Variants in SGCD observed in about 807,000 individuals in gnomAD.
SGCD encodes the protein delta-sarcoglycan.
SGCD carries 18 observed loss-of-function variants against 36.6 expected under a neutral mutation model. The ratio of observed to expected loss-of-function variants is 0.49; its 90% CI spans 0.34 to 0.73. SGCD has a LOEUF of 0.73. SGCD is among the 30% of genes least tolerant of loss of function. The pLI, the probability that SGCD is intolerant of heterozygous loss-of-function variation, is 0.01. For synonymous variants in SGCD, 133 were observed against 130.6 expected, an observed-to-expected ratio of 1.02 and a Z score of -0.12; for missense variants, 387 against 346.7, an observed-to-expected ratio of 1.12 and a Z score of -0.92.
intron 3 of SGCD, among the ~76,000 whole-genome samples, chr5:156,210,310 A>T (rs187403709): frequency 5.9e-5 from 9 of 152,310 alleles, no homozygotes; most frequent in Admixed American, 5.9e-4. Flanking sequence ...CTAGTGAAGG[A>T]CTTTTCTGGA....
rs150778095 is a variant in SGCD, at chr5:156,142,023, G to A, written c.-44+18004G>A. 6.8e-3 allele frequency among the ~76,000 whole-genome samples: 1,031 copies of A among 152,278 alleles called. 8 individuals are homozygous for A. The highest frequency in any genetic ancestry group is 0.051 in the Middle Eastern group (15 of 294). On this transcript the variant is annotated intron_variant, in intron 3 of 9. Transcript: ENST00000517913. ...ATTGTAATCCCCAGTGTTGGAGGTG[G>A]GGCCTGGTGGGAGATGATTGAATCA... is the stretch of plus-strand genomic sequence containing the variant.
intron 1 of SGCD, among the ~76,000 whole-genome samples, chr5:156,034,981 C>A (rs540905601): frequency 6.6e-6 from 1 of 152,142 alleles, no homozygotes; most frequent in East Asian, 1.9e-4. Flanking sequence ...CTTCTAATAT[C>A]ATACTTTTTG....
intron 1 of SGCD, among the ~76,000 whole-genome samples, chr5:156,017,323 GT>G (rs997899090): frequency 9.2e-5 from 14 of 151,690 alleles, no homozygotes; most frequent in Non-Finnish European, 1.3e-4. Flanking sequence ...CCATGCAAAA[GT>G]TTTTTTTATT....
intron 6 of SGCD, among the ~76,000 whole-genome samples, chr5:156,601,772 C>T (rs1179052099): frequency 6.6e-6 from 1 of 152,190 alleles, no homozygotes; most frequent in African/African-American, 2.4e-5. Flanking sequence ...CAAGCTCCAC[C>T]TCCCGGGTTC....
chr5:156,119,822 C>T (rs1761991167), intron 2 of SGCD, among the ~76,000 whole-genome samples: 1 of 152,112 alleles, frequency 6.6e-6, no homozygotes, highest in African/African-American at 2.4e-5. Flanking sequence ...TCATTTTTAA[C>T]ACAACCTAAC....
the SGCD span, among the ~76,000 whole-genome samples, chr5:155,865,181 T>G: frequency 6.6e-6 from 1 of 152,120 alleles, no homozygotes; most frequent in Non-Finnish European, 1.5e-5. Context: ...AATTGATGGA[T>G]TCATTTAAAA....
At chr5:155,988,256 G>A (rs77966082) in intron 1 of SGCD, among the ~76,000 whole-genome samples, 3,327 of 152,068 alleles carry the variant, frequency 0.022, 128 homozygotes, top group African/African-American at 0.074. Flanking sequence ...CATCACAAGC[G>A]CTTTTAAAGC....
At position 156,346,282 on chromosome 5, in the gene SGCD, A is replaced by T. The variant is rs528757111; in HGVS notation, c.192+1605A>T. 1.1e-4 allele frequency among the ~76,000 whole-genome samples: 16 copies of T among 152,110 alleles called. No individual in the cohort carries two copies. In the South Asian group the frequency reaches 1.7e-3, roughly 16 times the overall value. ...AAATAATTCAGTTCTTTCTAAAAAAATTTTTCTTTCTTTATATATGTATTT... is the reference window on the plus strand; with the variant it reads ...AAATAATTCAGTTCTTTCTAAAAAATTTTTTCTTTCTTTATATATGTATTT... On this transcript the variant is annotated intron_variant, in intron 3 of 8. Transcript: ENST00000337851.
chr5:155,864,433 G>A, the SGCD span, among the ~76,000 whole-genome samples: 2 of 152,072 alleles, frequency 1.3e-5, no homozygotes, highest in African/African-American at 4.8e-5. Context: ...GTGGAGGCGG[G>A]GAGGTTGTTT....
At chr5:156,352,229 T>C (rs1216679576) in intron 3 of SGCD, among the ~76,000 whole-genome samples, 1 of 152,146 alleles carries the variant, frequency 6.6e-6, no homozygotes, top group African/African-American at 2.4e-5. Flanking sequence ...GAGTCATCAG[T>C]GGATGGCATG....
chr5:156,274,599 T>C (rs62383778), intron 3 of SGCD, among the ~76,000 whole-genome samples: 8,790 of 152,250 alleles, frequency 0.058, 295 homozygotes, highest in Non-Finnish European at 0.075. Context: ...CAGAGTACTA[T>C]ATGATGTTAT....
intron 3 of SGCD, among the ~76,000 whole-genome samples, chr5:156,171,064 A>T (rs1419932555): frequency 6.6e-6 from 1 of 152,018 alleles, no homozygotes; most frequent in African/African-American, 2.4e-5. Context: ...TTTTTTTCTC[A>T]CATTAAAAGT....
the SGCD span, among the ~76,000 whole-genome samples, chr5:155,840,588 T>TTGTGTG: frequency 2.5e-4 from 37 of 147,068 alleles, no homozygotes; most frequent in South Asian, 4.4e-4. Flanking sequence ...TGCACCCGGC[T>TTGTGTG]TGTGTGTGTG....
At chr5:155,927,054 G>A (rs1400336053) in intron 1 of SGCD, among the ~76,000 whole-genome samples, 1 of 152,154 alleles carries the variant, frequency 6.6e-6, no homozygotes, top group East Asian at 1.9e-4. Flanking sequence ...GAGTTATCCA[G>A]TCCACAATGA....
At chr5:156,510,384 A>T (rs1330736729) in intron 4 of SGCD, among the ~76,000 whole-genome samples, 1 of 152,204 alleles carries the variant, frequency 6.6e-6, no homozygotes, top group Non-Finnish European at 1.5e-5. Flanking sequence ...AGCATTTAAA[A>T]AATATCTGTT....
At chr5:155,811,766 C>A in the SGCD span, among the ~76,000 whole-genome samples, 1 of 152,110 alleles carries the variant, frequency 6.6e-6, no homozygotes, top group Non-Finnish European at 1.5e-5. Context: ...GTCAATAATG[C>A]ACTGGATATA....
At chr5:156,327,649 T>C (rs1767871533) in intron 1 of SGCD, among the ~76,000 whole-genome samples, 1 of 150,290 alleles carries the variant, frequency 6.7e-6, no homozygotes, top group African/African-American at 2.4e-5. Flanking sequence ...GAGTTTTTTG[T>C]TGTTGTTGTT....
At chr5:155,866,918 A>G (rs1755535561), upstream of SGCD, among the ~76,000 whole-genome samples, 1 of 152,198 alleles carries the variant, frequency 6.6e-6, no homozygotes, top group Non-Finnish European at 1.5e-5. Flanking sequence ...TGATTATTCA[A>G]AAGGACATAA....
chr5:156,073,722 T>C (rs1339816433), intron 1 of SGCD, among the ~76,000 whole-genome samples: 2 of 152,218 alleles, frequency 1.3e-5, no homozygotes, highest in Non-Finnish European at 2.9e-5. Flanking sequence ...ATGAAGATCA[T>C]ATCATCTAAA....
Sources: gnomAD v4.1 joint callset for allele counts (sites outside exome capture counted in the v4.1 genomes callset) on GRCh38, gnomAD v4.1.1 for gene constraint, MANE v1.5 for transcripts, NCBI Gene and HGNC (gene_info 2026-07-23, HGNC 2026-07-21) for gene names.